The following GRSF1 variants were observed in gnomAD, a reference collection of about 807,000 sequenced individuals.
GRSF1 encodes G-rich RNA sequence binding factor 1, also known as G-rich sequence factor 1.
Under a neutral mutation model 51.1 loss-of-function variants are expected in GRSF1, and 50 were observed. That is an observed-to-expected ratio of 0.98 (90% CI 0.78 to 1.24). GRSF1 has a LOEUF of 1.24. GRSF1 is among the 50% of genes most tolerant of loss of function. The pLI is 0.00. For synonymous variants in GRSF1, 293 were observed against 253.3 expected, an observed-to-expected ratio of 1.16 and a Z score of -1.49; for missense variants, 700 against 639.7, an observed-to-expected ratio of 1.09 and a Z score of -1.02.
At chr4:70,820,919 A>G (rs988633576) in intron 9 of GRSF1, 58 bp from the exon 10 acceptor site, 2 of 152,510 alleles carry the variant, frequency 1.3e-5, no homozygotes, top group Non-Finnish European at 2.9e-5. Context: ...GATGGCACAC[A>G]TTCCCATACC....
At chr4:70,830,644 C>T (rs1733925740) in intron 5 of GRSF1, among the ~76,000 whole-genome samples, 6 of 151,814 alleles carry the variant, frequency 4.0e-5, no homozygotes. Flanking sequence ...CATGGTAAAA[C>T]CTTGTCTCTA....
At chr4:70,825,580 T>C (rs1188524763) in intron 7 of GRSF1, 149 bp from the exon 8 acceptor site, 5 of 499,392 alleles carry the variant, frequency 1.0e-5, no homozygotes, top group Non-Finnish European at 1.7e-5. Flanking sequence ...AATATATTTA[T>C]ATATCTAGTA....
At position 70,819,479 on chromosome 4, in the gene GRSF1, T is replaced by C; in HGVS notation, c.*1408A>G. On this transcript the variant is annotated 3_prime_UTR_variant, in exon 10 of 10. Coordinates refer to ENST00000254799, the MANE Select transcript of GRSF1 (RefSeq NM_002092.4). ...ATTAATATAGCAGGACTTGAGGTAA[T>C]AATATATTCAGTTGACTCACAGACT... The C allele has an allele frequency of 6.6e-6, 1 of 152,294 alleles. No individual in the cohort carries two copies. The highest frequency in any genetic ancestry group is 2.4e-5 in the African/African-American group (1 of 41,558). The allele number at this position is 152,294 out of a possible 1,614,324, so 9.4% of individuals were successfully genotyped here.
At chr4:70,822,653 A>G (rs895231103) in intron 9 of GRSF1, among the ~76,000 whole-genome samples, 17 of 151,874 alleles carry the variant, frequency 1.1e-4, no homozygotes, top group Middle Eastern at 6.8e-3. Flanking sequence ...TTAAGTGGGG[A>G]AAAAAAGCTA....
In GRSF1 at chr4:70,831,578, T is replaced by C. The variant is rs745990262; in HGVS notation, c.911A>G (p.Asn304Ser). Residue 304 changes from asparagine to serine, a missense_variant, in exon 5 of 10, where the codon AAC (asparagine) becomes AGC (serine). Asn to Ser is a conservative substitution (Grantham distance 46, BLOSUM62 1). Transcript: ENST00000254799. ...YVQFEEPEMA[N>S]QALLKHREEI... is the part of the protein sequence containing the mutation. Reference sequence around the variant, plus strand: ...TTCCCTGTGTTTCAACAGGGCTTGGTTGGCCATTTCTGGTTCTTCAAATTG... The same window carrying C: ...TTCCCTGTGTTTCAACAGGGCTTGGCTGGCCATTTCTGGTTCTTCAAATTG... 6.2e-7 allele frequency: 1 copy of C among 1,613,840 alleles called. No homozygotes were observed. The highest frequency in any genetic ancestry group is 1.7e-5 in the Admixed American group (1 of 60,008).
At chr4:70,825,582 T>A (rs1733704065) in intron 7 of GRSF1, 151 bp from the exon 8 acceptor site, 2 of 499,616 alleles carry the variant, frequency 4.0e-6, no homozygotes, top group South Asian at 1.1e-4. Context: ...TATATTTATA[T>A]ATCTAGTATG....
At chr4:70,822,763 T>C (rs1242597021) in intron 9 of GRSF1, among the ~76,000 whole-genome samples, 4 of 152,068 alleles carry the variant, frequency 2.6e-5, no homozygotes, top group Non-Finnish European at 5.9e-5. Context: ...AAAAATTCTA[T>C]ATGGAGATAA....
intron 9 of GRSF1, among the ~76,000 whole-genome samples, chr4:70,821,668 T>G (rs1733514037): frequency 8.3e-6 from 1 of 120,980 alleles, no homozygotes; most frequent in Non-Finnish European, 1.6e-5. Context: ...CGTGTTTTTT[T>G]GTTCCTTTTT....
Position 70,836,120 on chromosome 4 carries a change from G to GA in GRSF1, c.514+37dup, listed in dbSNP as rs551288579. 308 of 1,219,640 alleles carry GA rather than the reference G, an allele frequency of 2.5e-4. 1 individual carries two copies. The African/African-American group carries it at 3.7e-3, about 15-fold the overall frequency. The allele number at this position is 1,219,640 out of a possible 1,614,324, so 75.6% of individuals were successfully genotyped here. A position where few individuals can be genotyped will look rare whatever the true frequency, so the allele number is the denominator to read the frequency against. On this transcript the variant is annotated intron_variant, in intron 2 of 9. Transcript: ENST00000254799. ...ACCTGCTTGTGAGAAACAATATAAGGAAAAAAAATAAATAAATAAAACATA... is the reference window on the plus strand; with the variant it reads ...ACCTGCTTGTGAGAAACAATATAAGGAAAAAAAAATAAATAAATAAAACATA...
intron 5 of GRSF1, 38 bp downstream of exon 5, chr4:70,831,501 T>A (rs749969651): frequency 7.0e-6 from 11 of 1,576,354 alleles, no homozygotes; most frequent in Non-Finnish European, 9.6e-6. Flanking sequence ...TGACTTAATG[T>A]GTAACACTTC....
At chr4:70,835,688 G>T (rs1371939640) in intron 2 of GRSF1, among the ~76,000 whole-genome samples, 1 of 152,012 alleles carries the variant, frequency 6.6e-6, no homozygotes, top group Admixed American at 6.6e-5. Flanking sequence ...TGATCCGCCC[G>T]CCTCGGCCTC....
rs1733348677 is a variant in GRSF1 at position 70,817,236 on chromosome 4, G to A, written c.*3651C>T. 1 of 150,960 alleles carries A rather than the reference G, an allele frequency of 6.6e-6. No homozygotes were observed. The highest frequency in any genetic ancestry group is 2.4e-5 in the African/African-American group (1 of 40,894). 9.4% of individuals were successfully genotyped at this position (150,960 alleles called of 1,614,324 possible). A position where few individuals can be genotyped will look rare whatever the true frequency, so the allele number is the denominator to read the frequency against. ...GCCTGCTTTTTTTTTTTCTGAGACA[G>A]GGTCTCACTCTGTCACTCAGGCTGG... On this transcript the variant is annotated 3_prime_UTR_variant, in exon 10 of 10. Transcript: ENST00000254799.
At position 70,817,511 on chromosome 4, in the gene GRSF1, G is replaced by C. The variant is rs189027080; in HGVS notation, c.*3376C>G. The stretch of plus-strand genomic sequence containing the variant: ...GACACCTCACCAATGATGATATAAG[G>C]ATGGCAGATTAAGTATATGAAAAGG... On this transcript the variant is annotated 3_prime_UTR_variant, in exon 10 of 10. Coordinates refer to ENST00000254799, the MANE Select transcript of GRSF1 (RefSeq NM_002092.4). 2.6e-5 allele frequency: 4 copies of C among 152,146 alleles called. No individual in the cohort carries two copies. Among genetic ancestry groups the C allele is most frequent in the Admixed American group, 6.5e-5 (1 of 15,276 alleles). The allele number at this position is 152,146 out of a possible 1,614,324, so 9.4% of individuals were successfully genotyped here.
chr4:70,822,234 T>C (rs1360817061), intron 9 of GRSF1, among the ~76,000 whole-genome samples: 1 of 152,128 alleles, frequency 6.6e-6, no homozygotes, highest in East Asian at 1.9e-4. Flanking sequence ...GCACATTAAC[T>C]GTGTTTATGG....
intron 3 of GRSF1, among the ~76,000 whole-genome samples, chr4:70,832,720 G>A (rs576491708): frequency 9.5e-4 from 145 of 152,306 alleles, no homozygotes; most frequent in Admixed American, 4.3e-3. Flanking sequence ...GGCCAAGGCG[G>A]GTGGATTACC....
chr4:70,839,739 A>AGGCAGGCGGCGCCGGTGCGCC lies in GRSF1; in HGVS notation c.68_88dup (p.Arg23_Cys29dup), dbSNP rs1236813695. On this transcript the variant is annotated inframe_insertion, in exon 1 of 10. Transcript: ENST00000254799. ...AGAGCCAGCGGCGGAGTAGAAGGGC[A>AGGCAGGCGGCGCCGGTGCGCC]GGCAGGCGGCGCCGGTGCGCCGGCA... is the stretch of plus-strand genomic sequence containing the variant. The AGGCAGGCGGCGCCGGTGCGCC allele has an allele frequency of 6.7e-7, 1 of 1,502,786 alleles. No individual in the cohort carries two copies. Among genetic ancestry groups the AGGCAGGCGGCGCCGGTGCGCC allele is most frequent in the Non-Finnish European group, 8.8e-7 (1 of 1,133,450 alleles). The allele number at this position is 1,502,786 out of a possible 1,614,324, so 93.1% of individuals were successfully genotyped here. A position where few individuals can be genotyped will look rare whatever the true frequency, so the allele number is the denominator to read the frequency against.
At chr4:70,831,767 T>C in intron 4 of GRSF1, 93 bp from the exon 5 acceptor site, 1 of 1,194,120 alleles carries the variant, frequency 8.4e-7, no homozygotes, top group South Asian at 1.6e-5. Context: ...TTTTATTCTG[T>C]TTTGCCAGTC....
intron 4 of GRSF1, 26 bp downstream of exon 4, chr4:70,832,281 C>T (rs1430883902): frequency 6.2e-7 from 1 of 1,602,388 alleles, no homozygotes; most frequent in African/African-American, 1.3e-5. Flanking sequence ...ATATGAGCTC[C>T]CAAGCATAAT....
chr4:70,818,980 T>C lies in GRSF1; in HGVS notation c.*1907A>G, dbSNP rs947150795. ...AACTACATCCACCTTAGCAATCACT[T>C]ACGTACTAGCCTAGATCATGAACAA... On this transcript the variant is annotated 3_prime_UTR_variant, in exon 10 of 10. Coordinates refer to ENST00000254799, the MANE Select transcript of GRSF1 (RefSeq NM_002092.4). 6.6e-6 allele frequency: 1 copy of C among 152,152 alleles called. No individual in the cohort carries two copies. Among genetic ancestry groups the C allele is most frequent in the African/African-American group, 2.4e-5 (1 of 41,434 alleles). 9.4% of individuals were successfully genotyped at this position (152,152 alleles called of 1,614,324 possible). A position where few individuals can be genotyped will look rare whatever the true frequency, so the allele number is the denominator to read the frequency against.
Sources: gnomAD v4.1 joint callset for allele counts (sites outside exome capture counted in the v4.1 genomes callset) on GRCh38, gnomAD v4.1.1 for gene constraint, MANE v1.5 for transcripts, NCBI Gene and HGNC (gene_info 2026-07-23, HGNC 2026-07-21) for gene names.